Variants in RABGAP1L observed in about 807,000 individuals in gnomAD.
RABGAP1L encodes rab GTPase-activating protein 1-like.
Under a neutral mutation model 137.7 loss-of-function variants are expected in RABGAP1L, and 63 were observed. The observed-to-expected ratio is 0.46, with a 90% confidence interval of 0.37 to 0.56. The LOEUF is 0.56. Ranked by LOEUF, RABGAP1L falls within the 20% of genes least tolerant of loss-of-function variation. The pLI, the probability that RABGAP1L is intolerant of heterozygous loss-of-function variation, is 0.00. For missense variants in RABGAP1L, 1,095 were observed against 1,244.0 expected, an observed-to-expected ratio of 0.88 and a Z score of 1.80; for synonymous variants, 431 against 433.7, an observed-to-expected ratio of 0.99 and a Z score of 0.08.
At chr1:174,465,293 G>A (rs1293232315) in intron 13 of RABGAP1L, among the ~76,000 whole-genome samples, 1 of 152,078 alleles carries the variant, frequency 6.6e-6, no homozygotes, top group Non-Finnish European at 1.5e-5. Context: ...TCCGCCTCCC[G>A]GGTTTGAGCA....
intron 1 of RABGAP1L, among the ~76,000 whole-genome samples, chr1:174,162,769 C>CTTTTTTTTTTTTTTTT (rs1664582594): frequency 2.2e-5 from 1 of 45,310 alleles, no homozygotes; most frequent in African/African-American, 8.3e-5. Flanking sequence ...TTTTTTTTTT[C>CTTTTTTTTTTTTTTTT]TCTTTCTGTT....
chr1:174,250,399 C>T, intron 5 of RABGAP1L, 76 bp from the exon 6 acceptor site: 1 of 1,099,110 alleles, frequency 9.1e-7, no homozygotes, highest in Non-Finnish European at 1.3e-6. Flanking sequence ...ATTGTAGATT[C>T]AAGAGTTAGG....
At chr1:174,919,926 A>C (rs377743266) in intron 19 of RABGAP1L, among the ~76,000 whole-genome samples, 1 of 152,188 alleles carries the variant, frequency 6.6e-6, no homozygotes. Flanking sequence ...AGAGTTATAA[A>C]AGTTTATTTG....
intron 5 of RABGAP1L, among the ~76,000 whole-genome samples, chr1:174,243,592 TAG>T (rs536547214): frequency 6.6e-6 from 1 of 152,192 alleles, no homozygotes; most frequent in Non-Finnish European, 1.5e-5. Flanking sequence ...CCAATATAAA[TAG>T]AGAGCTTATG....
At chr1:174,643,131 A>G (rs1056611819) in intron 14 of RABGAP1L, among the ~76,000 whole-genome samples, 1 of 151,750 alleles carries the variant, frequency 6.6e-6, no homozygotes, top group Non-Finnish European at 1.5e-5. Context: ...CGCTCCTCCT[A>G]CTTCTGTGGA....
intron 18 of RABGAP1L, among the ~76,000 whole-genome samples, chr1:174,794,848 T>C (rs1043849260): frequency 3.9e-5 from 6 of 152,234 alleles, no homozygotes; most frequent in African/African-American, 1.4e-4. Context: ...AGAAGGTGTT[T>C]CCTTTTTCAT....
intron 11 of RABGAP1L, among the ~76,000 whole-genome samples, chr1:174,329,656 T>TTTAC (rs1289039708): frequency 6.6e-6 from 1 of 152,120 alleles, no homozygotes; most frequent in Non-Finnish European, 1.5e-5. Context: ...AACCCAGGAA[T>TTTAC]GTAAAGATGG....
At position 174,989,905 on chromosome 1, in the gene RABGAP1L, T is replaced by C; in HGVS notation, c.3060T>C (p.Ser1020=). 6.4e-7 allele frequency: 1 copy of C among 1,550,586 alleles called. No homozygotes were observed. Among genetic ancestry groups the C allele is most frequent in the African/African-American group, 1.4e-5 (1 of 73,180 alleles). The change falls in exon 26 of 26, where the codon TCT becomes TCC. Residue 1020 remains serine, a synonymous_variant. Coordinates refer to ENST00000681986, the MANE Select transcript of RABGAP1L (RefSeq NM_001366446.1). ...LMNEIQAAKN[S]WFSKTLNSIK... ...ATGAAATCCAAGCTGCGAAAAACTC[T>C]TGGTTTAGCAAAACCCTGAACTCTA... is the stretch of plus-strand genomic sequence containing the variant.
At chr1:174,361,814 A>G (rs1182660711) in intron 11 of RABGAP1L, among the ~76,000 whole-genome samples, 1 of 152,098 alleles carries the variant, frequency 6.6e-6, no homozygotes, top group Non-Finnish European at 1.5e-5. Flanking sequence ...TCTGTGGTAC[A>G]TGTGCAGATT....
chr1:174,541,178 G>A (rs759642610), intron 13 of RABGAP1L, among the ~76,000 whole-genome samples: 14 of 152,214 alleles, frequency 9.2e-5, no homozygotes, highest in South Asian at 2.1e-4. Flanking sequence ...TATCAGCTTA[G>A]GGAGATTTTG....
intron 11 of RABGAP1L, among the ~76,000 whole-genome samples, chr1:174,328,598 C>T (rs574838471): frequency 1.9e-4 from 29 of 151,988 alleles, no homozygotes; most frequent in Admixed American, 2.6e-4. Context: ...AGTGAAATCC[C>T]GTCTCTACTA....
chr1:174,703,088 C>T (rs937389936), intron 17 of RABGAP1L, among the ~76,000 whole-genome samples: 2 of 152,024 alleles, frequency 1.3e-5, no homozygotes, highest in African/African-American at 4.8e-5. Context: ...TTTTGTATTA[C>T]TATGCTTCTT....
At chr1:174,738,722 T>G (rs1683155481) in intron 17 of RABGAP1L, among the ~76,000 whole-genome samples, 1 of 152,216 alleles carries the variant, frequency 6.6e-6, no homozygotes, top group Admixed American at 6.5e-5. Flanking sequence ...ACTCCTGCTC[T>G]AAAGCTTTTG....
intron 17 of RABGAP1L, among the ~76,000 whole-genome samples, chr1:174,739,294 G>T (rs1317057496): frequency 2.0e-5 from 3 of 152,142 alleles, no homozygotes; most frequent in Non-Finnish European, 4.4e-5. Flanking sequence ...ATTACTAATA[G>T]AAAATGGTTT....
Position 174,699,607 on chromosome 1 carries a change from A to G in RABGAP1L, c.1982A>G (p.Glu661Gly), listed in dbSNP as rs1283213963. The change falls in exon 16 of 26, where the codon GAA becomes GGA. Residue 661 changes from glutamate to glycine, a missense_variant. Around this residue, in one of 4 missense-constraint regions of RABGAP1L, gnomAD observed 315 missense variants for 324.8 expected, o/e 0.97. Coordinates refer to ENST00000681986, the MANE Select transcript of RABGAP1L (RefSeq NM_001366446.1). The stretch of plus-strand genomic sequence containing the variant: ...AGAGACCTCTACAGAAACAACTTCG[A>G]AGATCTTCATTGCAAATTCTACCAG... ...GLRDLYRNNF[E>G]DLHCKFYQLE... 6.2e-7 allele frequency: 1 copy of G among 1,609,382 alleles called. No individual in the cohort carries two copies. Among genetic ancestry groups the G allele is most frequent in the East Asian group, 2.2e-5 (1 of 44,820 alleles).
intron 12 of RABGAP1L, among the ~76,000 whole-genome samples, chr1:174,387,214 A>G (rs1686867377): frequency 6.6e-6 from 1 of 152,202 alleles, no homozygotes; most frequent in Non-Finnish European, 1.5e-5. Flanking sequence ...TTTTTCCTGT[A>G]AAACAAGTCA....
intron 13 of RABGAP1L, among the ~76,000 whole-genome samples, chr1:174,463,953 C>T (rs1251490043): frequency 6.6e-6 from 1 of 152,056 alleles, no homozygotes; most frequent in African/African-American, 2.4e-5. Context: ...ATTTTCTAAG[C>T]TTATACTACA....
chr1:174,629,572 T>G (rs1005888483), intron 13 of RABGAP1L, among the ~76,000 whole-genome samples: 1 of 152,148 alleles, frequency 6.6e-6, no homozygotes, highest in Non-Finnish European at 1.5e-5. Flanking sequence ...TCTCGCTCTG[T>G]CGCCCAGTGG....
intron 14 of RABGAP1L, among the ~76,000 whole-genome samples, chr1:174,677,337 T>C (rs1476159118): frequency 6.6e-6 from 1 of 152,190 alleles, no homozygotes; most frequent in Non-Finnish European, 1.5e-5. Flanking sequence ...CATTTGCTTT[T>C]AGAACTTATA....
Sources: allele counts gnomAD v4.1 joint callset (sites outside exome capture counted in the v4.1 genomes callset), GRCh38; gene constraint gnomAD v4.1.1; regional missense constraint gnomAD v4.1.1; transcripts MANE v1.5; gene names NCBI Gene and HGNC (gene_info 2026-07-23, HGNC 2026-07-21).